Variants in XDH observed in about 807,000 individuals in gnomAD.
XDH encodes the protein xanthine dehydrogenase/oxidase.
In XDH, 138 loss-of-function variants were observed where a neutral mutation model predicts 156.1. The observed-to-expected ratio is 0.88, with a 90% CI of 0.77 to 1.02. XDH has a LOEUF of 1.02. Among genes scored for constraint, XDH ranks in the 50% least tolerant of loss-of-function variants. The pLI, the probability that XDH is intolerant of heterozygous loss-of-function variation, is 0.00. For synonymous variants in XDH, 669 were observed against 625.7 expected (o/e 1.07, Z -1.03); for missense variants, 1,849 against 1,684.9 (o/e 1.10, Z -1.71).
intron 35 of XDH, among the ~76,000 whole-genome samples, chr2:31,336,539 A>G (rs1247278205): frequency 1.3e-5 from 2 of 151,884 alleles, no homozygotes; most frequent in Non-Finnish European, 2.9e-5. Context: ...TGGGAGCCAT[A>G]GTGGGAAGGT....
At chr2:31,387,332 G>A (rs961291865) in intron 8 of XDH, among the ~76,000 whole-genome samples, 5 of 152,128 alleles carry the variant, frequency 3.3e-5, no homozygotes, top group Admixed American at 1.3e-4. Context: ...GGGTGTGAGG[G>A]GGTTTCCTTA....
intron 2 of XDH, among the ~76,000 whole-genome samples, 162 bp downstream of exon 2, chr2:31,405,745 T>C (rs1687175165): frequency 6.6e-6 from 1 of 152,112 alleles, no homozygotes; most frequent in South Asian, 2.1e-4. Flanking sequence ...GAATTTCAGA[T>C]TACAGGTGCA....
chr2:31,410,189 G>GA (rs1341919077), intron 1 of XDH, among the ~76,000 whole-genome samples: 1 of 152,146 alleles, frequency 6.6e-6, no homozygotes, highest in Non-Finnish European at 1.5e-5. Context: ...CATAGAGACA[G>GA]AAAAAATGAT....
At chr2:31,338,519 G>T (rs1685029196) in intron 34 of XDH, among the ~76,000 whole-genome samples, 5 of 152,122 alleles carry the variant, frequency 3.3e-5, no homozygotes. Flanking sequence ...ATATGTCCCA[G>T]CTTCCCCACC....
At chr2:31,402,741 C>A (rs45518937) in intron 3 of XDH, among the ~76,000 whole-genome samples, 7 of 152,230 alleles carry the variant, frequency 4.6e-5, no homozygotes, top group East Asian at 3.9e-4. Flanking sequence ...CAGGGCCTTG[C>A]CCGCTAAGCA....
chr2:31,396,100 G>A lies in XDH; in HGVS notation c.495+1568C>T, dbSNP rs79210670. On this transcript the variant is annotated intron_variant, in intron 6 of 35. Transcript: ENST00000379416. ...TAAAAAGGCTCTGAAGAAACATCTCGGAGACCTCCGATGAGTAACATGCAT... is the reference window on the plus strand; with the variant it reads ...TAAAAAGGCTCTGAAGAAACATCTCAGAGACCTCCGATGAGTAACATGCAT... Among the ~76,000 whole-genome samples, 881 of 152,226 alleles carry A rather than the reference G, an allele frequency of 5.8e-3. 3 individuals carry two copies. The highest frequency in any genetic ancestry group is 9.1e-3 in the Non-Finnish European group (617 of 68,018).
In XDH at chr2:31,403,164, G is replaced by A; in HGVS notation, c.101-20C>T. The A allele has an allele frequency of 6.2e-7, 1 of 1,613,602 alleles. No individual in the cohort carries two copies. Among genetic ancestry groups the A allele is most frequent in the Non-Finnish European group, 8.5e-7 (1 of 1,179,648 alleles). On this transcript the variant is annotated intron_variant, in intron 2 of 35. Coordinates refer to ENST00000379416, the MANE Select transcript of XDH (RefSeq NM_000379.4). ...GCCCCACTGGGTGGTCAAGAGTTAA[G>A]GAGAATGAACTCAGGGAGAGGAGTC...
rs45444891 is a variant in XDH, at chr2:31,376,239, AAGAT to A, written c.1428-689_1428-686del. ...CAATAATAGTTGCAGTAGTGGTAAC[AAGAT>A]AGATAGTAGTAGTAGAAGTAGTAAT... On this transcript the variant is annotated intron_variant, in intron 14 of 35. Coordinates refer to ENST00000379416, the MANE Select transcript of XDH (RefSeq NM_000379.4). 2.1e-3 allele frequency among the ~76,000 whole-genome samples: 310 copies of A among 151,170 alleles called. 2 individuals carry two copies. Among genetic ancestry groups the A allele is most frequent in the South Asian group, 7.3e-3 (35 of 4,814 alleles).
At chr2:31,357,907 C>G (rs116531452) in intron 24 of XDH, among the ~76,000 whole-genome samples, 1,519 of 151,878 alleles carry the variant, frequency 0.01, 20 homozygotes, top group African/African-American at 0.035. Context: ...ACAAAACTAC[C>G]ACTTCAGTAT....
At chr2:31,351,862 C>T (rs1399232689) in intron 24 of XDH, among the ~76,000 whole-genome samples, 2 of 152,204 alleles carry the variant, frequency 1.3e-5, no homozygotes, top group African/African-American at 4.8e-5. Flanking sequence ...TTGAGAAGTC[C>T]AATCAATGCC....
chr2:31,374,761 C>T (rs893284461), intron 15 of XDH, among the ~76,000 whole-genome samples: 2 of 152,132 alleles, frequency 1.3e-5, no homozygotes, highest in African/African-American at 4.8e-5. Context: ...CCTTTATTGT[C>T]CATGTTCTCC....
intron 24 of XDH, among the ~76,000 whole-genome samples, chr2:31,357,578 G>A (rs2148761688): frequency 6.6e-6 from 1 of 151,938 alleles, no homozygotes; most frequent in South Asian, 2.1e-4. Context: ...GATAAAATGG[G>A]GATGGTTAAT....
chr2:31,409,017 G>A (rs1290244741), intron 1 of XDH, among the ~76,000 whole-genome samples: 8 of 152,158 alleles, frequency 5.3e-5, no homozygotes, highest in East Asian at 3.9e-4. Flanking sequence ...AGGTCATTAC[G>A]TTAAGTGAAA....
At chr2:31,408,126 T>C (rs1687241419) in intron 1 of XDH, among the ~76,000 whole-genome samples, 1 of 152,144 alleles carries the variant, frequency 6.6e-6, no homozygotes, top group Admixed American at 6.6e-5. Flanking sequence ...TTCAATATAT[T>C]CCCAATCTTC....
At chr2:31,365,038 T>C (rs576990947) in intron 23 of XDH, among the ~76,000 whole-genome samples, 2 of 152,300 alleles carry the variant, frequency 1.3e-5, no homozygotes, top group African/African-American at 2.4e-5. Flanking sequence ...TACATACCCA[T>C]CCTAACATCT....
At chr2:31,361,701 G>A (rs926487162) in intron 24 of XDH, among the ~76,000 whole-genome samples, 1 of 152,228 alleles carries the variant, frequency 6.6e-6, no homozygotes, top group Non-Finnish European at 1.5e-5. Context: ...TTGGCTTAAT[G>A]AGGAAATTTA....
At chr2:31,413,322 C>T (rs1224740450) in intron 1 of XDH, among the ~76,000 whole-genome samples, 2 of 152,178 alleles carry the variant, frequency 1.3e-5, no homozygotes, top group Non-Finnish European at 2.9e-5. Flanking sequence ...GTTTGAAATG[C>T]TGGATGCAAA....
chr2:31,353,208 C>A (rs1896846), intron 24 of XDH, among the ~76,000 whole-genome samples: 1 of 151,980 alleles, frequency 6.6e-6, no homozygotes, highest in Non-Finnish European at 1.5e-5. Context: ...AAGTTCATCT[C>A]CCAAAGCTGT....
At chr2:31,344,786 C>T in intron 30 of XDH, 50 bp from the exon 31 acceptor site, 2 of 1,593,072 alleles carry the variant, frequency 1.3e-6, no homozygotes, top group Non-Finnish European at 1.7e-6. Context: ...TTTTCAGGAA[C>T]CCTGACCTGC....
Sources: allele counts gnomAD v4.1 joint callset (sites outside exome capture counted in the v4.1 genomes callset), GRCh38; gene constraint gnomAD v4.1.1; transcripts MANE v1.5; gene names NCBI Gene and HGNC (gene_info 2026-07-23, HGNC 2026-07-21).